EPHB2: variants seen among roughly 807,000 people sequenced by gnomAD.
The protein encoded by EPHB2 is ephrin type-B receptor 2.
Under a neutral mutation model 96.4 loss-of-function variants are expected in EPHB2, and 18 were observed. The observed-to-expected ratio is 0.19, with a 90% CI of 0.13 to 0.28. The LOEUF (loss-of-function observed/expected upper bound fraction) is 0.28. EPHB2 is among the 10% of genes least tolerant of loss of function. EPHB2 has a pLI of 1.00. For missense variants in EPHB2, 989 were observed against 1,355.4 expected (o/e 0.73, Z 4.25); for synonymous variants, 506 against 534.1 (o/e 0.95, Z 0.72).
At chr1:22,888,203 G>A (rs1166096484) in intron 6 of EPHB2, among the ~76,000 whole-genome samples, 6 of 152,056 alleles carry the variant, frequency 3.9e-5, no homozygotes, top group Admixed American at 6.6e-5. Flanking sequence ...CACCACGCTC[G>A]GCTAATTTTT....
intron 1 of EPHB2, among the ~76,000 whole-genome samples, chr1:22,740,851 C>T (rs753836270): frequency 5.3e-5 from 8 of 151,696 alleles, no homozygotes; most frequent in African/African-American, 1.4e-4. Flanking sequence ...CTTCAGCTTT[C>T]GGAGTGTCAT....
chr1:22,814,622 G>T (rs1409723154), intron 3 of EPHB2, among the ~76,000 whole-genome samples: 2 of 152,180 alleles, frequency 1.3e-5, no homozygotes, highest in Non-Finnish European at 2.9e-5. Flanking sequence ...CTGAGGCTCA[G>T]AAAGGTGAAT....
chr1:22,897,150 G>C (rs1171398963), intron 9 of EPHB2, among the ~76,000 whole-genome samples: 2 of 152,098 alleles, frequency 1.3e-5, no homozygotes, highest in Non-Finnish European at 2.9e-5. Flanking sequence ...ATCAGGCCAG[G>C]GCTGGGGATG....
chr1:22,823,010 T>C (rs1416874723), intron 3 of EPHB2, among the ~76,000 whole-genome samples: 1 of 152,138 alleles, frequency 6.6e-6, no homozygotes, highest in Non-Finnish European at 1.5e-5. Flanking sequence ...GACCTACATA[T>C]ACCCTATCCA....
At chr1:22,779,178 A>C (rs1215658706) in intron 1 of EPHB2, among the ~76,000 whole-genome samples, 1 of 152,222 alleles carries the variant, frequency 6.6e-6, no homozygotes, top group Non-Finnish European at 1.5e-5. Context: ...AGGAAGAAAA[A>C]TCTGTAGCAT....
intron 1 of EPHB2, among the ~76,000 whole-genome samples, chr1:22,744,437 ATATATGT>A (rs1643941407): frequency 6.7e-6 from 1 of 149,166 alleles, no homozygotes; most frequent in Non-Finnish European, 1.5e-5. Flanking sequence ...TTGTATATAT[ATATATGT>A]TATATATTTT....
At chr1:22,869,701 G>A (rs529230309) in intron 5 of EPHB2, among the ~76,000 whole-genome samples, 2 of 152,296 alleles carry the variant, frequency 1.3e-5, no homozygotes, top group East Asian at 3.9e-4. Context: ...GGCACATGCT[G>A]TTCCCTCTGC....
intron 5 of EPHB2, among the ~76,000 whole-genome samples, chr1:22,877,343 C>T (rs933597721): frequency 2.6e-5 from 4 of 152,208 alleles, no homozygotes; most frequent in African/African-American, 7.2e-5. Context: ...AGTGAGTTAA[C>T]GGATGTGAAG....
At chr1:22,713,577 T>A (rs544471300) in intron 1 of EPHB2, among the ~76,000 whole-genome samples, 2 of 151,850 alleles carry the variant, frequency 1.3e-5, no homozygotes, top group Non-Finnish European at 2.9e-5. Context: ...TGTGCACATT[T>A]GGGGGGCGGT....
chr1:22,713,219 A>G (rs1282797508), intron 1 of EPHB2, among the ~76,000 whole-genome samples: 1 of 152,154 alleles, frequency 6.6e-6, no homozygotes, highest in Admixed American at 6.5e-5. Flanking sequence ...CCCCCTGGAC[A>G]CTAGGAAGTT....
At chr1:22,809,720 C>T (rs1290369808) in intron 3 of EPHB2, among the ~76,000 whole-genome samples, 1 of 152,206 alleles carries the variant, frequency 6.6e-6, no homozygotes, top group Non-Finnish European at 1.5e-5. Context: ...ACAGACCTCC[C>T]TCTTGGTCTC....
rs866705228 is a variant in EPHB2 at position 22,888,553 on chromosome 1, C to T, written c.1429-4331C>T. 3.3e-5 allele frequency among the ~76,000 whole-genome samples: 5 copies of T among 152,158 alleles called. No homozygotes were observed. In the South Asian group the frequency reaches 1.0e-3, roughly 32 times the overall value. On this transcript the variant is annotated intron_variant, in intron 6 of 15. Transcript: ENST00000374630. ...GACATGCACCCAATGCCTCACTGGC[C>T]CTAAGCTACCAGGTAAGTGCTCAGA...
At chr1:22,738,567 G>T (rs759307480) in intron 1 of EPHB2, among the ~76,000 whole-genome samples, 29 of 152,206 alleles carry the variant, frequency 1.9e-4, no homozygotes, top group Non-Finnish European at 4.0e-4. Context: ...GCAGAGCCAG[G>T]ATTCAGATCT....
intron 3 of EPHB2, among the ~76,000 whole-genome samples, chr1:22,805,344 G>C (rs1343260990): frequency 2.6e-5 from 4 of 152,156 alleles, no homozygotes; most frequent in African/African-American, 9.7e-5. Flanking sequence ...CCAGGCCCTT[G>C]AATAAATTAA....
chr1:22,856,443 C>T (rs925345075), intron 3 of EPHB2, among the ~76,000 whole-genome samples: 5 of 152,188 alleles, frequency 3.3e-5, no homozygotes, highest in Admixed American at 6.5e-5. Context: ...GCTTCGAGCC[C>T]TGAGACCTGA....
chr1:22,859,176 G>A (rs1402854015), intron 3 of EPHB2, among the ~76,000 whole-genome samples: 1 of 151,686 alleles, frequency 6.6e-6, no homozygotes, highest in African/African-American at 2.4e-5. Context: ...GGGGCTCAGG[G>A]AAGACTTCCT....
intron 1 of EPHB2, among the ~76,000 whole-genome samples, chr1:22,747,321 C>T (rs1643989888): frequency 6.6e-6 from 1 of 152,224 alleles, no homozygotes; most frequent in Non-Finnish European, 1.5e-5. Context: ...TGCCAAAGCA[C>T]TCTGATAAGT....
At chr1:22,912,202 G>A (rs1334963490) in intron 14 of EPHB2, among the ~76,000 whole-genome samples, 2 of 152,130 alleles carry the variant, frequency 1.3e-5, no homozygotes, top group East Asian at 3.9e-4. Context: ...GTTGGCCCCA[G>A]CTTTGAGTTC....
At chr1:22,737,912 A>T (rs1643863794) in intron 1 of EPHB2, among the ~76,000 whole-genome samples, 1 of 152,240 alleles carries the variant, frequency 6.6e-6, no homozygotes, top group African/African-American at 2.4e-5. Flanking sequence ...CATGATGCAC[A>T]GGCTGTTCAG....
Sources: allele counts gnomAD v4.1 joint callset (sites outside exome capture counted in the v4.1 genomes callset), GRCh38; gene constraint gnomAD v4.1.1; transcripts MANE v1.5; gene names NCBI Gene and HGNC (gene_info 2026-07-23, HGNC 2026-07-21).